Variants in TTLL1 observed in about 807,000 individuals in gnomAD.
TTLL1 encodes polyglutamylase complex subunit TTLL1.
In TTLL1, 33 loss-of-function variants were observed where a neutral mutation model predicts 47.8. The observed-to-expected ratio is 0.69, with a 90% CI of 0.52 to 0.92. The LOEUF is 0.92. TTLL1 is among the 40% of genes least tolerant of loss of function. TTLL1 has a pLI of 0.00. For missense variants in TTLL1, 488 were observed against 547.5 expected, an observed-to-expected ratio of 0.89 and a Z score of 1.08; for synonymous variants, 225 against 214.1, an observed-to-expected ratio of 1.05 and a Z score of -0.45.
chr22:43,088,043 G>C (rs1038047865), intron 1 of TTLL1, among the ~76,000 whole-genome samples: 3 of 151,668 alleles, frequency 2.0e-5, no homozygotes, highest in Middle Eastern at 3.4e-3. Flanking sequence ...AGCTACATGG[G>C]AGGCTGAGGC....
At chr22:43,080,892 T>G (rs1928830772) in intron 1 of TTLL1, among the ~76,000 whole-genome samples, 1 of 144,920 alleles carries the variant, frequency 6.9e-6, no homozygotes, top group African/African-American at 2.6e-5. Flanking sequence ...CTGTTCCCAG[T>G]GTTGCATGAC....
intron 9 of TTLL1, among the ~76,000 whole-genome samples, chr22:43,049,975 A>T (rs536710024): frequency 1.3e-5 from 2 of 152,098 alleles, no homozygotes; most frequent in South Asian, 2.1e-4. Flanking sequence ...ATGCACCCGT[A>T]GTCCCAGCTA....
At chr22:43,069,990 G>C (rs944464769) in intron 3 of TTLL1, 146 bp from the exon 4 acceptor site, 25 of 1,351,728 alleles carry the variant, frequency 1.8e-5, no homozygotes, top group Non-Finnish European at 2.5e-5. Flanking sequence ...GGGTTGCCCG[G>C]CCCACAGCAG....
chr22:43,088,834 G>A (rs1179720713), intron 1 of TTLL1, among the ~76,000 whole-genome samples: 2 of 152,052 alleles, frequency 1.3e-5, no homozygotes, highest in African/African-American at 4.8e-5. Context: ...TGCCCTCTTA[G>A]CTGATAGGGA....
At chr22:43,048,159 TAA>T (rs1926295633) in intron 9 of TTLL1, among the ~76,000 whole-genome samples, 1 of 150,974 alleles carries the variant, frequency 6.6e-6, no homozygotes, top group Non-Finnish European at 1.5e-5. Flanking sequence ...CTACTAAAAA[TAA>T]AAAAAATTAG....
intron 3 of TTLL1, among the ~76,000 whole-genome samples, chr22:43,072,410 T>C (rs1053256939): frequency 1.7e-4 from 26 of 152,236 alleles, no homozygotes; most frequent in Non-Finnish European, 3.1e-4. Context: ...CATCTCGGCC[T>C]CCCAAAGTGC....
intron 2 of TTLL1, among the ~76,000 whole-genome samples, chr22:43,078,518 A>AAAGAG (rs897792677): frequency 1.3e-5 from 2 of 152,056 alleles, no homozygotes; most frequent in Admixed American, 1.3e-4. Flanking sequence ...AGGAAAAACA[A>AAAGAG]AAGAGAAGAG....
chr22:43,052,730 A>T (rs1241271178), intron 8 of TTLL1, among the ~76,000 whole-genome samples: 2 of 149,126 alleles, frequency 1.3e-5, no homozygotes, highest in African/African-American at 5.0e-5. Flanking sequence ...TGGGTGACAG[A>T]GCAAGAACCT....
At chr22:43,041,417 T>C (rs1008247628) in intron 10 of TTLL1, 3 of 152,154 alleles carry the variant, frequency 2.0e-5, no homozygotes, top group African/African-American at 7.2e-5. Context: ...AGTTTGCAGG[T>C]TGAATGTAGT....
chr22:43,070,573 C>T (rs1447685551), intron 3 of TTLL1, among the ~76,000 whole-genome samples: 2 of 152,080 alleles, frequency 1.3e-5, no homozygotes, highest in Non-Finnish European at 2.9e-5. Context: ...GTGCCCGGAG[C>T]CCCCGAAGGG....
rs183763639 is a variant in TTLL1, at chr22:43,088,880, G to A, written c.-90+397C>T. On this transcript the variant is annotated intron_variant, in intron 1 of 10. Coordinates refer to ENST00000266254, the MANE Select transcript of TTLL1 (RefSeq NM_012263.5). ...GGAAATGTCTTGGTCCAGTCATCTA[G>A]AGGGAAGACACAAGGCTCTTGTCTC... Among the ~76,000 whole-genome samples, 893 of 152,258 alleles carry A rather than the reference G, an allele frequency of 5.9e-3. 6 individuals carry two copies. Among genetic ancestry groups the A allele is most frequent in the Non-Finnish European group, 9.6e-3 (654 of 68,016 alleles).
chr22:43,047,628 C>G (rs986641427), intron 9 of TTLL1, among the ~76,000 whole-genome samples: 1 of 152,244 alleles, frequency 6.6e-6, no homozygotes, highest in South Asian at 2.1e-4. Context: ...ACCACCACGC[C>G]TGGCTAATAC....
At chr22:43,058,761 C>T (rs553994115) in intron 8 of TTLL1, among the ~76,000 whole-genome samples, 41 of 152,100 alleles carry the variant, frequency 2.7e-4, no homozygotes, top group Admixed American at 9.8e-4. Flanking sequence ...ATGGCGCGAT[C>T]GCGGCTCACT....
intron 8 of TTLL1, among the ~76,000 whole-genome samples, chr22:43,058,627 T>C (rs1327944781): frequency 6.6e-6 from 1 of 152,150 alleles, no homozygotes; most frequent in East Asian, 1.9e-4. Flanking sequence ...CCCCTTTCCC[T>C]TTCCGAAAAG....
intron 6 of TTLL1, 112 bp downstream of exon 6, chr22:43,064,078 T>C: frequency 6.5e-7 from 1 of 1,528,202 alleles, no homozygotes. Flanking sequence ...CCCTGCCCCG[T>C]GCCAGGCACC....
intron 2 of TTLL1, among the ~76,000 whole-genome samples, chr22:43,078,771 G>A (rs1032473166): frequency 7.2e-5 from 11 of 152,040 alleles, no homozygotes; most frequent in Admixed American, 1.3e-4. Context: ...TATGGTGCAC[G>A]TGGAACCTCA....
chr22:43,084,911 C>G (rs939183804), intron 1 of TTLL1, among the ~76,000 whole-genome samples: 1 of 150,250 alleles, frequency 6.7e-6, no homozygotes, highest in African/African-American at 2.4e-5. Context: ...CATGCCTGCA[C>G]AGAGTAAGGA....
chr22:43,070,198 T>A, intron 3 of TTLL1: 1 of 1,343,684 alleles, frequency 7.4e-7, no homozygotes. Flanking sequence ...GTCAGGAAAC[T>A]CATTTAAACA....
chr22:43,041,211 C>T (rs993933437), intron 10 of TTLL1: 10 of 152,192 alleles, frequency 6.6e-5, no homozygotes, highest in South Asian at 2.1e-4. Flanking sequence ...TGTCCCATAG[C>T]GCTGAGGAGT....
Sources: allele counts gnomAD v4.1 joint callset (sites outside exome capture counted in the v4.1 genomes callset), GRCh38; gene constraint gnomAD v4.1.1; transcripts MANE v1.5; gene names NCBI Gene and HGNC (gene_info 2026-07-23, HGNC 2026-07-21).